The following IREB2 variants were observed in gnomAD, a reference collection of about 807,000 sequenced individuals.
IREB2 encodes the protein iron-responsive element-binding protein 2.
IREB2 carries 39 observed loss-of-function variants against 118.8 expected under a neutral mutation model. The observed-to-expected ratio is 0.33, with a 90% CI of 0.25 to 0.43. The LOEUF is 0.43. IREB2 is among the 20% of genes least tolerant of loss of function. The pLI, the probability that IREB2 is intolerant of heterozygous loss-of-function variation, is 1.00. For missense variants in IREB2, 900 were observed against 1,147.3 expected, an observed-to-expected ratio of 0.78 and a Z score of 3.11; for synonymous variants, 372 against 392.2, an observed-to-expected ratio of 0.95 and a Z score of 0.61.
rs143696102 is a variant in IREB2, at chr15:78,466,239, G to A, written c.411-32G>A. Reference sequence around the variant, plus strand: ...AGCTAAATTTGTGTCCCTTTTAAATGGCTTTATTTTGTTTTCTTTTTGGAA... The same window carrying A: ...AGCTAAATTTGTGTCCCTTTTAAATAGCTTTATTTTGTTTTCTTTTTGGAA... On this transcript the variant is annotated intron_variant, in intron 4 of 21. Coordinates refer to ENST00000258886, the MANE Select transcript of IREB2 (RefSeq NM_004136.4). 2.1e-3 allele frequency: 3,163 copies of A among 1,473,144 alleles called. 69 individuals are homozygous for A. The African/African-American group carries it at 0.038, about 18-fold the overall frequency. The allele number at this position is 1,473,144 out of a possible 1,614,324, so 91.3% of individuals were successfully genotyped here.
At chr15:78,471,494 C>T (rs1027131763) in intron 6 of IREB2, among the ~76,000 whole-genome samples, 2 of 152,172 alleles carry the variant, frequency 1.3e-5, no homozygotes, top group African/African-American at 2.4e-5. Flanking sequence ...ATCTTTGGAA[C>T]GCAGTTGAAT....
At chr15:78,473,418 A>G (rs913222827) in intron 8 of IREB2, 37 bp downstream of exon 8, 2 of 1,569,354 alleles carry the variant, frequency 1.3e-6, no homozygotes, top group Non-Finnish European at 1.7e-6. Context: ...GACTTACTGA[A>G]CATTATTTTT....
At chr15:78,481,252 G>C (rs1196839089) in intron 10 of IREB2, among the ~76,000 whole-genome samples, 1 of 152,168 alleles carries the variant, frequency 6.6e-6, no homozygotes, top group Non-Finnish European at 1.5e-5. Context: ...ACCCATGCTG[G>C]AGTGCAGTGG....
At chr15:78,440,035 A>C (rs919608638) in intron 2 of IREB2, among the ~76,000 whole-genome samples, 154 bp downstream of exon 2, 1 of 152,232 alleles carries the variant, frequency 6.6e-6, no homozygotes, top group Non-Finnish European at 1.5e-5. Flanking sequence ...TCCTCCTGGG[A>C]CAACTTCTGT....
chr15:78,488,428 T>C, intron 15 of IREB2, 92 bp downstream of exon 15: 1 of 1,137,010 alleles, frequency 8.8e-7, no homozygotes, highest in South Asian at 1.7e-5. Context: ...CCATCTATTC[T>C]TTGAATTATT....
chr15:78,452,705 G>A (rs1234896027), intron 2 of IREB2, among the ~76,000 whole-genome samples: 10 of 152,152 alleles, frequency 6.6e-5, no homozygotes, highest in Admixed American at 1.3e-4. Context: ...CCAGGAGTTC[G>A]AGACCAGCCT....
chr15:78,463,395 C>T (rs1009015891), intron 3 of IREB2, among the ~76,000 whole-genome samples: 6 of 152,084 alleles, frequency 3.9e-5, no homozygotes, highest in African/African-American at 1.4e-4. Context: ...GAGCTGTGAT[C>T]ACACCACTGC....
chr15:78,464,219 C>G (rs1038085783), intron 3 of IREB2, among the ~76,000 whole-genome samples: 1 of 152,164 alleles, frequency 6.6e-6, no homozygotes. Flanking sequence ...AATGTTAAGT[C>G]GTATTATCCC....
chr15:78,484,717 A>G (rs1222060764), intron 11 of IREB2, 44 bp from the exon 12 acceptor site: 1 of 1,433,992 alleles, frequency 7.0e-7, no homozygotes, highest in Non-Finnish European at 9.8e-7. Context: ...TATTCTGTAC[A>G]TACCCAGAAT....
chr15:78,471,439 G>A (rs1249540958), intron 6 of IREB2, among the ~76,000 whole-genome samples: 1 of 152,188 alleles, frequency 6.6e-6, no homozygotes, highest in Non-Finnish European at 1.5e-5. Context: ...GAGCTTGGAG[G>A]GAGGGCCTTG....
intron 10 of IREB2, among the ~76,000 whole-genome samples, chr15:78,481,398 C>G (rs2051568488): frequency 2.0e-5 from 3 of 152,088 alleles, no homozygotes; most frequent in Admixed American, 6.5e-5. Flanking sequence ...GCTCTGTCAC[C>G]AGGCTGGAGT....
intron 2 of IREB2, among the ~76,000 whole-genome samples, chr15:78,443,360 G>C (rs1188401467): frequency 1.3e-5 from 2 of 152,222 alleles, no homozygotes; most frequent in Non-Finnish European, 2.9e-5. Flanking sequence ...AAAGGAAAGG[G>C]AGAAGTGGTT....
rs756131894 is a variant in IREB2, at chr15:78,478,482, TG to T, written c.1296+86del. ...CTTTGAAAGGTTGGGGTGGGTTGAT[TG>T]TTTGAGTTCAAGAGTTTGAGACCAG... On this transcript the variant is annotated intron_variant, in intron 10 of 21. Coordinates refer to ENST00000258886, the MANE Select transcript of IREB2 (RefSeq NM_004136.4). 1.4e-4 allele frequency: 112 copies of T among 811,432 alleles called. 1 individual carries two copies. The highest frequency in any genetic ancestry group is 6.9e-4 in the Middle Eastern group (3 of 4,328). The allele number at this position is 811,432 out of a possible 1,614,324, so 50.3% of individuals were successfully genotyped here. A position where few individuals can be genotyped will look rare whatever the true frequency, so the allele number is the denominator to read the frequency against.
At chr15:78,446,782 C>T (rs2050936155) in intron 2 of IREB2, among the ~76,000 whole-genome samples, 1 of 152,058 alleles carries the variant, frequency 6.6e-6, no homozygotes, top group African/African-American at 2.4e-5. Flanking sequence ...TGCGTCGCTG[C>T]TGTAGCCAAG....
chr15:78,455,283 G>T lies in IREB2; in HGVS notation c.107-7639G>T, dbSNP rs534270395. ...TAAGAGTGGGGATCAGAGAGGTTCT[G>T]AAGTTTAGGAAGCTTGCAAGATGGT... is the stretch of plus-strand genomic sequence containing the variant. On this transcript the variant is annotated intron_variant, in intron 2 of 21. Coordinates refer to ENST00000258886, the MANE Select transcript of IREB2 (RefSeq NM_004136.4). Among the ~76,000 whole-genome samples the T allele has an allele frequency of 2.6e-5, 4 of 152,302 alleles. No homozygotes were observed. The South Asian group carries it at 8.3e-4, about 32-fold the overall frequency.
chr15:78,480,686 T>TAAAA (rs373261767), intron 10 of IREB2, among the ~76,000 whole-genome samples: 10,886 of 89,488 alleles, frequency 0.12, 925 homozygotes, highest in African/African-American at 0.14. Context: ...GAGACTGTCT[T>TAAAA]AAAAAAAAAA....
chr15:78,480,148 TC>T, intron 10 of IREB2: 1 of 152,188 alleles, frequency 6.6e-6, no homozygotes, highest in East Asian at 1.9e-4. Context: ...TAGTAGATAT[TC>T]AGTAAACGTG....
At chr15:78,469,259 A>G (rs1337012032) in intron 5 of IREB2, among the ~76,000 whole-genome samples, 2 of 152,142 alleles carry the variant, frequency 1.3e-5, no homozygotes, top group African/African-American at 4.8e-5. Flanking sequence ...ATGAGCCAAT[A>G]AATGTTTGTA....
Position 78,493,958 on chromosome 15 carries a change from G to A in IREB2, c.2374G>A (p.Ala792Thr). The A allele has an allele frequency of 1.2e-6, 2 of 1,613,978 alleles. No homozygotes were observed. The highest frequency in any genetic ancestry group is 1.7e-6 in the Non-Finnish European group (2 of 1,179,872). The change falls in exon 19 of 22, where the codon GCT (alanine) becomes ACT (threonine). Residue 792 changes from alanine (A) to threonine (T), a missense_variant. Coordinates refer to ENST00000258886, the MANE Select transcript of IREB2 (RefSeq NM_004136.4). ...NSYGARRGND[A>T]VMTRGTFANI... is the part of the protein sequence containing the mutation. ...TTACGGAGCTCGAAGAGGTAATGATGCTGTAATGACAAGAGGCACTTTTGC... is the reference window on the plus strand; with the variant it reads ...TTACGGAGCTCGAAGAGGTAATGATACTGTAATGACAAGAGGCACTTTTGC...
Sources: gnomAD v4.1 joint callset for allele counts (sites outside exome capture counted in the v4.1 genomes callset) on GRCh38, gnomAD v4.1.1 for gene constraint, MANE v1.5 for transcripts, NCBI Gene and HGNC (gene_info 2026-07-23, HGNC 2026-07-21) for gene names.